Variants in PDCD6IP observed in about 807,000 individuals in gnomAD.
PDCD6IP encodes programmed cell death 6 interacting protein.
In PDCD6IP, 43 loss-of-function variants were observed where a neutral mutation model predicts 103.7. The ratio of observed to expected loss-of-function variants is 0.41; its 90% CI spans 0.32 to 0.53. The LOEUF (loss-of-function observed/expected upper bound fraction) is 0.53, where lower values mean the gene tolerates loss of function less well. PDCD6IP is among the 20% of genes least tolerant of loss of function. The probability of loss-of-function intolerance (pLI) is 0.16; values close to 1 mark genes in which losing one functional copy is unlikely to be tolerated. For synonymous variants in PDCD6IP, 354 were observed against 378.7 expected, an observed-to-expected ratio of 0.93 and a Z score of 0.76; for missense variants, 871 against 1,036.7, an observed-to-expected ratio of 0.84 and a Z score of 2.20.
intron 12 of PDCD6IP, among the ~76,000 whole-genome samples, chr3:33,850,569 C>T (rs867134041): frequency 2.0e-5 from 3 of 152,054 alleles, no homozygotes; most frequent in Admixed American, 6.6e-5. Context: ...TACATATATA[C>T]ATATTATGTA....
intron 1 of PDCD6IP, chr3:33,799,246 T>A: frequency 3.0e-6 from 1 of 334,612 alleles, no homozygotes; most frequent in Non-Finnish European, 5.4e-6. Context: ...TACTTAGAAC[T>A]AGTCTTCACT....
At chr3:33,849,994 A>G (rs115570287) in intron 12 of PDCD6IP, among the ~76,000 whole-genome samples, 2 of 152,120 alleles carry the variant, frequency 1.3e-5, no homozygotes, top group Non-Finnish European at 2.9e-5. Flanking sequence ...TAACTATTTG[A>G]CCCTCTCTGT....
At chr3:33,857,953 CAT>C (rs774888066) in intron 15 of PDCD6IP, among the ~76,000 whole-genome samples, 4 of 152,162 alleles carry the variant, frequency 2.6e-5, no homozygotes, top group East Asian at 1.9e-4. Context: ...AAGACAATCA[CAT>C]GAGAGAGAAA....
chr3:33,826,572 C>CT lies in PDCD6IP; in HGVS notation c.710dup (p.Lys239GlnfsTer19). The CT allele has an allele frequency of 6.2e-7, 1 of 1,610,904 alleles. No individual in the cohort carries two copies. The highest frequency in any genetic ancestry group is 8.5e-7 in the Non-Finnish European group (1 of 1,177,448). ...CAAACAGTGTCAATACAAAGATACTCTCCCCAAGGTCAGTTATTGTTTTTA... is the reference window on the plus strand; with the variant it reads ...CAAACAGTGTCAATACAAAGATACTCTTCCCCAAGGTCAGTTATTGTTTTTA... On this transcript the variant is annotated frameshift_variant, in exon 6 of 18. Transcript: ENST00000307296. LOFTEE classifies it high-confidence loss of function.
rs961878862 is a variant in PDCD6IP, at chr3:33,798,648, C to G, written c.-81C>G. 25 of 1,298,436 alleles carry G rather than the reference C, an allele frequency of 1.9e-5. No individual in the cohort carries two copies. Among genetic ancestry groups the G allele is most frequent in the Admixed American group, 2.9e-5 (1 of 34,394 alleles). 80.4% of individuals were successfully genotyped at this position (1,298,436 alleles called of 1,614,324 possible). ...GTCAGCCAGTCAGTCCGCCAGTCCG[C>G]CAGCCCAGTACCTCTCTCTCCTCGG... On this transcript the variant is annotated 5_prime_UTR_variant, in exon 1 of 18. Transcript: ENST00000307296.
intron 12 of PDCD6IP, among the ~76,000 whole-genome samples, chr3:33,846,211 G>A (rs978145923): frequency 3.3e-5 from 5 of 152,168 alleles, no homozygotes; most frequent in Admixed American, 6.5e-5. Flanking sequence ...GAAAACAAGC[G>A]AAAGGGCAAG....
At position 33,867,952 on chromosome 3, in the gene PDCD6IP, G is replaced by A. The variant is rs1034840809; in HGVS notation, c.*1427G>A. The A allele has an allele frequency of 2.6e-5, 4 of 152,200 alleles. No individual in the cohort carries two copies. Among genetic ancestry groups the A allele is most frequent in the Non-Finnish European group, 4.4e-5 (3 of 68,030 alleles). The allele number at this position is 152,200 out of a possible 1,614,324, so 9.4% of individuals were successfully genotyped here. Reference sequence around the variant, plus strand: ...TAAATGTTCGAATGAAAGTATGATTGTAAAAGGGAGTGAATTGGTTTAAAA... The same window carrying A: ...TAAATGTTCGAATGAAAGTATGATTATAAAAGGGAGTGAATTGGTTTAAAA... On this transcript the variant is annotated 3_prime_UTR_variant, in exon 18 of 18. Coordinates refer to ENST00000307296, the MANE Select transcript of PDCD6IP (RefSeq NM_013374.6).
chr3:33,813,908 A>G (rs1696772689), intron 3 of PDCD6IP, among the ~76,000 whole-genome samples: 1 of 152,222 alleles, frequency 6.6e-6, no homozygotes, highest in African/African-American at 2.4e-5. Flanking sequence ...TAGCCTATGA[A>G]CAAACTCATG....
intron 9 of PDCD6IP, among the ~76,000 whole-genome samples, chr3:33,838,575 T>TGGG (rs144610843): frequency 0.29 from 44,249 of 151,674 alleles, 6,656 homozygotes; most frequent in East Asian, 0.41. Flanking sequence ...GGTATTTATT[T>TGGG]GGAAATGAGA....
intron 9 of PDCD6IP, among the ~76,000 whole-genome samples, chr3:33,839,435 G>T (rs896961802): frequency 1.2e-4 from 18 of 151,958 alleles, no homozygotes; most frequent in Non-Finnish European, 2.2e-4. Flanking sequence ...CTTTTCTATG[G>T]CTGAGCAGTA....
At position 33,798,919 on chromosome 3, in the gene PDCD6IP, C is replaced by T. The variant is rs1348373709; in HGVS notation, c.191C>T (p.Ala64Val). 1.9e-6 allele frequency: 3 copies of T among 1,539,184 alleles called. No homozygotes were observed. Among genetic ancestry groups the T allele is most frequent in the East Asian group, 2.5e-5 (1 of 40,566 alleles). ...CGTCCGCTGGACAAGCACGAGGGCGCGCTCGAGACGCTCCTGAGGTGGGCG... is the reference window on the plus strand; with the variant it reads ...CGTCCGCTGGACAAGCACGAGGGCGTGCTCGAGACGCTCCTGAGGTGGGCG... ...VGRPLDKHEG[A>V]LETLLRYYDQ... Residue 64 changes from alanine (A) to valine (V), a missense_variant, in exon 1 of 18, where the codon GCG (alanine) becomes GTG (valine). Ala to Val is a moderately conservative substitution (Grantham distance 64). Coordinates refer to ENST00000307296, the MANE Select transcript of PDCD6IP (RefSeq NM_013374.6).
At position 33,836,071 on chromosome 3, in the gene PDCD6IP, G is replaced by A. The variant is rs753794675; in HGVS notation, c.862G>A (p.Ala288Thr). The A allele has an allele frequency of 3.1e-6, 5 of 1,608,742 alleles. No individual in the cohort carries two copies. Among genetic ancestry groups the A allele is most frequent in the Non-Finnish European group, 4.3e-6 (5 of 1,175,260 alleles). The change falls in exon 8 of 18, where the codon GCA (alanine) becomes ACA (threonine). Residue 288 changes from alanine to threonine, a missense_variant. Coordinates refer to ENST00000307296, the MANE Select transcript of PDCD6IP (RefSeq NM_013374.6). ...QHAAELIKTV[A>T]SRYDEYVNVK... ...TGCAGCAGAACTGATTAAAACAGTGGCATCTCGCTATGATGAATATGTTAA... is the reference window on the plus strand; with the variant it reads ...TGCAGCAGAACTGATTAAAACAGTGACATCTCGCTATGATGAATATGTTAA...
intron 3 of PDCD6IP, among the ~76,000 whole-genome samples, chr3:33,819,589 G>A (rs1292393164): frequency 1.3e-5 from 2 of 152,138 alleles, no homozygotes; most frequent in East Asian, 3.9e-4. Context: ...GTTGAAAACT[G>A]GCCTTTATTA....
intron 7 of PDCD6IP, among the ~76,000 whole-genome samples, chr3:33,834,573 G>A (rs1407714675): frequency 1.3e-5 from 2 of 152,038 alleles, no homozygotes; most frequent in Non-Finnish European, 2.9e-5. Flanking sequence ...TCATGTTAAG[G>A]AACTATAATT....
At chr3:33,805,206 G>A (rs7615765) in intron 1 of PDCD6IP, among the ~76,000 whole-genome samples, 44,202 of 151,394 alleles carry the variant, frequency 0.29, 6,681 homozygotes, top group East Asian at 0.41. Flanking sequence ...AATACAAAAA[G>A]TTAGCCGGTC....
At chr3:33,838,531 G>A (rs1173289108) in intron 9 of PDCD6IP, among the ~76,000 whole-genome samples, 7 of 151,872 alleles carry the variant, frequency 4.6e-5, no homozygotes, top group Non-Finnish European at 7.4e-5. Context: ...GAAACAAGGT[G>A]AGGATATGAG....
intron 9 of PDCD6IP, 27 bp from the exon 10 acceptor site, chr3:33,841,870 G>C: frequency 6.7e-7 from 1 of 1,498,452 alleles, no homozygotes; most frequent in Non-Finnish European, 9.1e-7. Context: ...TTAGACTTCA[G>C]TATAACATAG....
chr3:33,841,531 C>T (rs570900118), intron 9 of PDCD6IP, among the ~76,000 whole-genome samples: 17 of 149,616 alleles, frequency 1.1e-4, no homozygotes, highest in Admixed American at 2.7e-4. Flanking sequence ...CTCCGCCTCC[C>T]GGGTTCACGC....
chr3:33,842,971 T>C (rs990110299), intron 10 of PDCD6IP, among the ~76,000 whole-genome samples: 1 of 152,228 alleles, frequency 6.6e-6, no homozygotes, highest in Non-Finnish European at 1.5e-5. Flanking sequence ...TTGTGTTTGC[T>C]TCTGCCATAA....
Sources: gnomAD v4.1 joint callset for allele counts (sites outside exome capture counted in the v4.1 genomes callset) on GRCh38, gnomAD v4.1.1 for gene constraint, MANE v1.5 for transcripts, NCBI Gene and HGNC (gene_info 2026-07-23, HGNC 2026-07-21) for gene names.